ANO7: variants seen among roughly 807,000 people sequenced by gnomAD.
The protein encoded by ANO7 is anoctamin 7.
ANO7 carries 114 observed loss-of-function variants against 115.8 expected under a neutral mutation model. The ratio of observed to expected loss-of-function variants is 0.98; its 90% CI spans 0.85 to 1.15. ANO7 has a LOEUF of 1.15. Ranked by LOEUF, ANO7 falls within the 50% of genes most tolerant of loss-of-function variation. The pLI is 0.00. For synonymous variants in ANO7, 550 were observed against 498.2 expected, an observed-to-expected ratio of 1.10 and a Z score of -1.38; for missense variants, 1,302 against 1,201.2, an observed-to-expected ratio of 1.08 and a Z score of -1.24.
chr2:241,189,454 C>T (rs1448266904), intron 1 of ANO7, among the ~76,000 whole-genome samples: 1 of 152,186 alleles, frequency 6.6e-6, no homozygotes, highest in Admixed American at 6.5e-5. Context: ...TTTTGCCAGC[C>T]CAAGACTAGG....
the ANO7 span, chr2:241,236,496 G>T: frequency 1.0e-6 from 1 of 1,003,254 alleles, no homozygotes. Context: ...GAGCAAGAGG[G>T]CTACCTCCAC....
intron 4 of ANO7, among the ~76,000 whole-genome samples, chr2:241,198,245 G>A (rs2068389388): frequency 1.3e-5 from 2 of 152,116 alleles, no homozygotes; most frequent in Admixed American, 6.5e-5. Context: ...ACCCCAGGGT[G>A]CCCCTCCCTG....
chr2:241,212,754 C>A, intron 17 of ANO7, 128 bp downstream of exon 17: 2 of 1,090,794 alleles, frequency 1.8e-6, no homozygotes, highest in Non-Finnish European at 2.6e-6. Flanking sequence ...CCAGCCAGGG[C>A]CAGCTGTGCA....
intron 3 of ANO7, among the ~76,000 whole-genome samples, chr2:241,193,530 C>T (rs1027027595): frequency 6.6e-6 from 1 of 152,022 alleles, no homozygotes; most frequent in Admixed American, 6.6e-5. Flanking sequence ...ACATCTCCTG[C>T]TACCAGAAGC....
chr2:241,229,784 G>GGGGGGGCC, downstream of ANO7: 1 of 1,502,550 alleles, frequency 6.7e-7, no homozygotes, highest in Non-Finnish European at 9.1e-7. Flanking sequence ...AAGCCCGCCT[G>GGGGGGGCC]CCCGCCCACC....
intron 21 of ANO7, among the ~76,000 whole-genome samples, chr2:241,219,724 G>T (rs547803055): frequency 3.9e-4 from 52 of 133,870 alleles, no homozygotes; most frequent in African/African-American, 1.4e-3. Context: ...TGTGCCACCA[G>T]GCCTGGCTTT....
At chr2:241,229,487 G>C (rs1292446576), downstream of ANO7, 2 of 770,314 alleles carry the variant, frequency 2.6e-6, no homozygotes, top group Non-Finnish European at 4.3e-6. Flanking sequence ...CTCGGGAAGG[G>C]GGAAGAGCGT....
chr2:241,228,107 G>C (rs1244629785), downstream of ANO7: 1 of 152,256 alleles, frequency 6.6e-6, no homozygotes, highest in Non-Finnish European at 1.5e-5. Context: ...TTATTCAACT[G>C]AGAGTGAGGT....
chr2:241,217,817 G>C lies in ANO7; in HGVS notation c.2104G>C (p.Ala702Pro). Reference sequence around the variant, plus strand: ...CGTCTGCGAGTACCGGCGCCCGGTGGCCGAGCGCGCCCAGGACATCGGCAT... The same window carrying C: ...CGTCTGCGAGTACCGGCGCCCGGTGCCCGAGCGCGCCCAGGACATCGGCAT... ...KFVCEYRRPVAERAQDIGIWF... is the reference protein window; with the variant it reads ...KFVCEYRRPVPERAQDIGIWF... Residue 702 changes from alanine (A) to proline (P), a missense_variant, in exon 20 of 25, where the codon GCC becomes CCC. By Grantham distance (27) the Ala-to-Pro change is conservative. Coordinates refer to ENST00000674324, the MANE Select transcript of ANO7 (RefSeq NM_001370694.2). 2 of 1,609,810 alleles carry C rather than the reference G, an allele frequency of 1.2e-6. No homozygotes were observed. The highest frequency in any genetic ancestry group is 1.7e-6 in the Non-Finnish European group (2 of 1,178,888).
At chr2:241,211,534 T>TA (rs1216720383) in intron 15 of ANO7, among the ~76,000 whole-genome samples, 4 of 152,134 alleles carry the variant, frequency 2.6e-5, no homozygotes, top group Non-Finnish European at 5.9e-5. Flanking sequence ...GGAGAGGGCT[T>TA]AAGTGCTGAG....
intron 21 of ANO7, among the ~76,000 whole-genome samples, chr2:241,221,541 T>G (rs2069016808): frequency 6.6e-6 from 1 of 151,954 alleles, no homozygotes; most frequent in Admixed American, 6.6e-5. Flanking sequence ...AGATGATTTT[T>G]TTTTTTTTGT....
the ANO7 span, chr2:241,236,795 G>C: frequency 6.2e-7 from 1 of 1,610,106 alleles, no homozygotes; most frequent in Non-Finnish European, 8.5e-7. Context: ...AAAAGGGACA[G>C]CTGACAGCTG....
At chr2:241,211,330 G>GTTT (rs2068715207) in intron 15 of ANO7, among the ~76,000 whole-genome samples, 1 of 66,116 alleles carries the variant, frequency 1.5e-5, no homozygotes, top group Non-Finnish European at 2.9e-5. Context: ...TCTCCCATCG[G>GTTT]TCTTTTTCTC....
chr2:241,233,859 G>A, the ANO7 span: 5 of 1,614,080 alleles, frequency 3.1e-6, no homozygotes, highest in African/African-American at 2.7e-5. The surrounding 1 kb of genome is among the most constrained non-coding windows in gnomAD (Gnocchi z 4.3). Context: ...GGATGTTCAC[G>A]TCATGCTCCA....
chr2:241,214,752 T>C lies in ANO7; in HGVS notation c.1729-53T>C, dbSNP rs967806941. ...CAGCTTTGAGACAAGAAGGGATGCG[T>C]GGGTGAGTGGCTGGTCCCCCTCTCC... On this transcript the variant is annotated intron_variant, in intron 17 of 24. Transcript: ENST00000674324. 70 of 1,531,810 alleles carry C rather than the reference T, an allele frequency of 4.6e-5. No individual in the cohort carries two copies. In the Middle Eastern group the frequency reaches 1.2e-3, roughly 26 times the overall value. 94.9% of individuals were successfully genotyped at this position (1,531,810 alleles called of 1,614,324 possible). A position where few individuals can be genotyped will look rare whatever the true frequency, so the allele number is the denominator to read the frequency against.
the ANO7 span, chr2:241,236,508 G>T: frequency 8.9e-7 from 1 of 1,121,398 alleles, no homozygotes; most frequent in Non-Finnish European, 1.3e-6. Context: ...TACCTCCACT[G>T]CCACTGCCGC....
the ANO7 span, chr2:241,235,083 C>T: frequency 3.1e-6 from 5 of 1,605,412 alleles, no homozygotes. Context: ...AGCTGAGCAC[C>T]ATGGCTCTGG....
At position 241,209,354 on chromosome 2, in the gene ANO7, C is replaced by A; in HGVS notation, c.1147C>A (p.Leu383Met). The A allele has an allele frequency of 6.3e-7, 1 of 1,580,084 alleles. No individual in the cohort carries two copies. Among genetic ancestry groups the A allele is most frequent in the Non-Finnish European group, 8.6e-7 (1 of 1,163,564 alleles). The change falls in exon 12 of 25, where the codon CTG becomes ATG. Residue 383 changes from leucine to methionine, a missense_variant. By Grantham distance (15) the Leu-to-Met change is conservative. Coordinates refer to ENST00000674324, the MANE Select transcript of ANO7 (RefSeq NM_001370694.2). ...GTTCATGGCACTGTGGGCCGTGCTG[C>A]TGCTGGAGTACTGGAAGCGGAAGAG... ...SLFMALWAVL[L>M]LEYWKRKSAT...
At chr2:241,223,054 G>T (rs1254602041) in intron 21 of ANO7, 132 bp from the exon 22 acceptor site, 1 of 794,364 alleles carries the variant, frequency 1.3e-6, no homozygotes, top group Non-Finnish European at 2.1e-6. Context: ...CACCCTCGAT[G>T]AAGAGCCAGG....
Sources: gnomAD v4.1 joint callset for allele counts (sites outside exome capture counted in the v4.1 genomes callset) on GRCh38, gnomAD v4.1.1 for gene constraint, Gnocchi (gnomAD v3.1) non-coding constraint, MANE v1.5 for transcripts, NCBI Gene and HGNC (gene_info 2026-07-23, HGNC 2026-07-21) for gene names.